The following TRAM2 variants were observed in gnomAD, a reference collection of about 807,000 sequenced individuals.
TRAM2 encodes the protein translocating chain-associated membrane protein 2.
TRAM2 carries 12 observed loss-of-function variants against 51.0 expected under a neutral mutation model. The observed-to-expected ratio is 0.24, with a 90% CI of 0.15 to 0.38. The LOEUF (loss-of-function observed/expected upper bound fraction) is 0.38, where lower values mean the gene tolerates loss of function less well. Ranked by LOEUF, TRAM2 falls within the 10% of genes least tolerant of loss-of-function variation. The pLI, the probability that TRAM2 is intolerant of heterozygous loss-of-function variation, is 1.00. For missense variants in TRAM2, 361 were observed against 462.0 expected (o/e 0.78, Z 2.00); for synonymous variants, 175 against 179.4 (o/e 0.98, Z 0.20).
At chr6:52,532,808 AC>A (rs138142472) in intron 2 of TRAM2, among the ~76,000 whole-genome samples, 14,532 of 150,940 alleles carry the variant, frequency 0.096, 814 homozygotes, top group Non-Finnish European at 0.12. Flanking sequence ...TATTATAAAA[AC>A]AAAAAATTGT....
intron 1 of TRAM2, among the ~76,000 whole-genome samples, chr6:52,561,662 T>C (rs951988314): frequency 6.6e-6 from 1 of 151,986 alleles, no homozygotes; most frequent in Admixed American, 6.6e-5. Flanking sequence ...ATTTTTTTTT[T>C]TGTACTTTTA....
chr6:52,519,214 T>C (rs2114073027), intron 2 of TRAM2, among the ~76,000 whole-genome samples: 1 of 152,266 alleles, frequency 6.6e-6, no homozygotes, highest in East Asian at 1.9e-4. Flanking sequence ...TCTTGGAGCT[T>C]AGCGGGTACA....
chr6:52,556,820 C>T (rs765706362), intron 1 of TRAM2, among the ~76,000 whole-genome samples: 36 of 150,106 alleles, frequency 2.4e-4, no homozygotes, highest in Middle Eastern at 7.4e-3. Context: ...CCCAGCTACT[C>T]GGGAGGCCGA....
At chr6:52,570,937 G>A (rs147721115) in intron 1 of TRAM2, among the ~76,000 whole-genome samples, 11 of 152,228 alleles carry the variant, frequency 7.2e-5, no homozygotes, top group Admixed American at 2.0e-4. Context: ...GTTAGGTGTC[G>A]TTCTCCTCTA....
intron 2 of TRAM2, chr6:52,523,369 T>G (rs1407908334): frequency 6.5e-6 from 1 of 154,314 alleles, no homozygotes; most frequent in East Asian, 1.9e-4. Context: ...AAAAGGATTT[T>G]TAAAAATCGA....
At chr6:52,542,431 T>C (rs1767119788) in intron 1 of TRAM2, among the ~76,000 whole-genome samples, 1 of 152,172 alleles carries the variant, frequency 6.6e-6, no homozygotes, top group Admixed American at 6.5e-5. Flanking sequence ...GAAACAAAGA[T>C]GCTTTTCACT....
intron 10 of TRAM2, among the ~76,000 whole-genome samples, chr6:52,504,256 C>T (rs1026596006): frequency 1.4e-4 from 21 of 152,210 alleles, no homozygotes; most frequent in African/African-American, 3.1e-4. Context: ...TGAGAATGGG[C>T]GGCGGCGGCA....
chr6:52,518,266 GGGACA>G (rs1766590155), intron 2 of TRAM2, among the ~76,000 whole-genome samples: 1 of 152,118 alleles, frequency 6.6e-6, no homozygotes, highest in Admixed American at 6.5e-5. Flanking sequence ...GCCGGTATTG[GGGACA>G]TCCTAGCCAG....
In TRAM2 at chr6:52,502,446, C is replaced by A. The variant is rs918249142; in HGVS notation, c.*751G>T. 1.2e-4 allele frequency: 19 copies of A among 152,370 alleles called. No homozygotes were observed. Among genetic ancestry groups the A allele is most frequent in the African/African-American group, 4.1e-4 (17 of 41,588 alleles). The allele number at this position is 152,370 out of a possible 1,614,324, so 9.4% of individuals were successfully genotyped here. On this transcript the variant is annotated 3_prime_UTR_variant, in exon 11 of 11. Coordinates refer to ENST00000182527, the MANE Select transcript of TRAM2 (RefSeq NM_012288.4). ...TAAGCAGTGGGAAGACGTGTCCCCC[C>A]CCACAGAGCGACAGCAGGCTGGCTT... is the stretch of plus-strand genomic sequence containing the variant.
At chr6:52,513,018 T>G (rs1041623244) in intron 4 of TRAM2, among the ~76,000 whole-genome samples, 1 of 152,194 alleles carries the variant, frequency 6.6e-6, no homozygotes, top group African/African-American at 2.4e-5. Flanking sequence ...CGCCCACCCA[T>G]CCTGCTTTCT....
chr6:52,520,006 G>GA (rs1216243200), intron 2 of TRAM2, among the ~76,000 whole-genome samples: 3 of 152,234 alleles, frequency 2.0e-5, no homozygotes, highest in African/African-American at 7.2e-5. Context: ...AGAGGAATGG[G>GA]AAGGTGCTAT....
At chr6:52,507,094 G>T (rs1375475186) in intron 7 of TRAM2, among the ~76,000 whole-genome samples, 1 of 152,180 alleles carries the variant, frequency 6.6e-6, no homozygotes, top group Admixed American at 6.6e-5. Flanking sequence ...GAACAACCAA[G>T]AGAGACCTAC....
At chr6:52,528,435 A>G (rs866478526) in intron 2 of TRAM2, among the ~76,000 whole-genome samples, 2 of 151,892 alleles carry the variant, frequency 1.3e-5, no homozygotes, top group Non-Finnish European at 2.9e-5. Flanking sequence ...TTGATAAGTG[A>G]TGTCAATCTT....
chr6:52,519,143 A>T (rs1330713650), intron 2 of TRAM2, among the ~76,000 whole-genome samples: 3 of 152,220 alleles, frequency 2.0e-5, no homozygotes, highest in African/African-American at 7.2e-5. Context: ...CGAACCACGC[A>T]CAGGGCTCCA....
At chr6:52,542,320 C>A (rs901519444) in intron 1 of TRAM2, among the ~76,000 whole-genome samples, 1 of 147,138 alleles carries the variant, frequency 6.8e-6, no homozygotes, top group African/African-American at 2.6e-5. Context: ...GTGTTTATGT[C>A]CCAAGCCCAC....
intron 1 of TRAM2, among the ~76,000 whole-genome samples, chr6:52,568,991 T>C (rs1767633118): frequency 6.6e-6 from 1 of 152,012 alleles, no homozygotes; most frequent in Non-Finnish European, 1.5e-5. Context: ...TTAGAGATCA[T>C]GTTTGGGTTT....
At chr6:52,513,229 T>G (rs1267931676) in intron 4 of TRAM2, among the ~76,000 whole-genome samples, 1 of 152,220 alleles carries the variant, frequency 6.6e-6, no homozygotes, top group South Asian at 2.1e-4. Flanking sequence ...AATTTGCTTT[T>G]TTGAACTTCT....
chr6:52,556,549 T>C (rs996982134), intron 1 of TRAM2, among the ~76,000 whole-genome samples: 9 of 151,908 alleles, frequency 5.9e-5, no homozygotes, highest in Middle Eastern at 3.2e-3. Context: ...CACAGAGTGT[T>C]GGGATTACAG....
chr6:52,556,113 T>C (rs1298791781), intron 1 of TRAM2, among the ~76,000 whole-genome samples: 1 of 152,046 alleles, frequency 6.6e-6, no homozygotes, highest in Non-Finnish European at 1.5e-5. Flanking sequence ...CCATATGATC[T>C]TTGAGAAGGG....
Sources: allele counts gnomAD v4.1 joint callset (sites outside exome capture counted in the v4.1 genomes callset), GRCh38; gene constraint gnomAD v4.1.1; transcripts MANE v1.5; gene names NCBI Gene and HGNC (gene_info 2026-07-23, HGNC 2026-07-21).